TPM1: variants seen among roughly 807,000 people sequenced by gnomAD.
TPM1 encodes tropomyosin 1, also known as tropomyosin alpha-1 chain.
Under a neutral mutation model 42.9 loss-of-function variants are expected in TPM1, and 24 were observed. The ratio of observed to expected loss-of-function variants is 0.56; its 90% CI spans 0.41 to 0.79. TPM1 has a LOEUF of 0.79. Ranked by LOEUF, TPM1 falls within the 30% of genes least tolerant of loss-of-function variation. TPM1 has a pLI of 0.00. For missense variants in TPM1, 158 were observed against 351.8 expected (o/e 0.45, Z 4.41); for synonymous variants, 136 against 130.1 (o/e 1.05, Z -0.31).
chr15:63,067,681 G>C (rs1234864370), downstream of TPM1, among the ~76,000 whole-genome samples: 1 of 152,158 alleles, frequency 6.6e-6, no homozygotes, highest in Non-Finnish European at 1.5e-5. Flanking sequence ...AGGAAAACTT[G>C]ATAAACTCAA....
At chr15:63,064,463 A>G in intron 9 of TPM1, 2 of 1,157,368 alleles carry the variant, frequency 1.7e-6, no homozygotes, top group Non-Finnish European at 2.1e-6. Flanking sequence ...CTAGAAGGCC[A>G]TGCCGTTTGT....
chr15:63,070,060 C>G (rs764526574), downstream of TPM1: 164 of 1,559,700 alleles, frequency 1.1e-4, no homozygotes, highest in Admixed American at 2.2e-3. Context: ...TGCAGAAATG[C>G]AAATGCAAGG....
At chr15:63,070,304 A>G (rs200580287), downstream of TPM1, 22 of 794,056 alleles carry the variant, frequency 2.8e-5, 1 homozygote, top group South Asian at 7.2e-4. Flanking sequence ...ATATATATAT[A>G]TATGTGTGTG....
chr15:63,048,960 T>G (rs1178403996), intron 2 of TPM1: 1 of 541,574 alleles, frequency 1.8e-6, no homozygotes, highest in Admixed American at 3.3e-5. Context: ...TTGAGAAGGT[T>G]CTGGAAGGAG....
downstream of TPM1, among the ~76,000 whole-genome samples, chr15:63,068,818 C>T (rs926195982): frequency 2.6e-5 from 4 of 152,188 alleles, no homozygotes; most frequent in Admixed American, 2.0e-4. Flanking sequence ...TATACACATC[C>T]ATTAGCACCA....
At chr15:63,066,295 C>G (rs1001854153), downstream of TPM1, 4 of 754,766 alleles carry the variant, frequency 5.3e-6, no homozygotes, top group African/African-American at 7.6e-5. Context: ...ATACCCAGGC[C>G]TGCATTCCCT....
chr15:63,070,499 G>A, downstream of TPM1: 1 of 993,050 alleles, frequency 1.0e-6, no homozygotes, highest in Non-Finnish European at 1.2e-6. Flanking sequence ...TGGTGCTGTT[G>A]GAGTCTGGGG....
At chr15:63,043,898 C>T (rs2031802344) in intron 1 of TPM1, 129 bp from the exon 2 acceptor site, 1 of 1,551,968 alleles carries the variant, frequency 6.4e-7, no homozygotes, top group Non-Finnish European at 8.7e-7. Context: ...CTCTCTCCCT[C>T]CCTGTCTTTC....
chr15:63,054,963 G>C (rs1236125158), intron 2 of TPM1, among the ~76,000 whole-genome samples: 2 of 151,470 alleles, frequency 1.3e-5, no homozygotes, highest in South Asian at 4.2e-4. Context: ...ATATAGAAAA[G>C]TGAAGAAATC....
chr15:63,043,898 C>G, intron 1 of TPM1, 129 bp from the exon 2 acceptor site: 4 of 1,551,968 alleles, frequency 2.6e-6, no homozygotes, highest in Admixed American at 2.0e-5. Context: ...CTCTCTCCCT[C>G]CCTGTCTTTC....
At chr15:63,047,206 C>T (rs2032564399) in intron 2 of TPM1, 1 of 152,290 alleles carries the variant, frequency 6.6e-6, no homozygotes, top group Non-Finnish European at 1.5e-5. Flanking sequence ...AGGACCCAAG[C>T]TGGGATTTGT....
chr15:63,061,357 A>G, intron 5 of TPM1: 1 of 1,265,516 alleles, frequency 7.9e-7, no homozygotes, highest in East Asian at 2.3e-5. Context: ...CGTTTGGTAT[A>G]ACGACTGCAC....
In TPM1 at chr15:63,048,584, G is replaced by T. The variant is rs1168946600; in HGVS notation, c.240+4432G>T. On this transcript the variant is annotated intron_variant, in intron 2 of 9. Coordinates refer to ENST00000403994, the MANE Select transcript of TPM1 (RefSeq NM_001018005.2). ...GCCTACCGTCCGGCGCGATGGCGGGGAGTAGCTCGCTGGAGGCGGTGCGCA... is the reference window on the plus strand; with the variant it reads ...GCCTACCGTCCGGCGCGATGGCGGGTAGTAGCTCGCTGGAGGCGGTGCGCA... 1 of 1,529,696 alleles carries T rather than the reference G, an allele frequency of 6.5e-7. No homozygotes were observed. The highest frequency in any genetic ancestry group is 8.8e-7 in the Non-Finnish European group (1 of 1,141,366). 94.8% of individuals were successfully genotyped at this position (1,529,696 alleles called of 1,614,324 possible). A position where few individuals can be genotyped will look rare whatever the true frequency, so the allele number is the denominator to read the frequency against.
At chr15:63,062,826 C>T in intron 8 of TPM1, 181 bp downstream of exon 8, 1 of 1,534,336 alleles carries the variant, frequency 6.5e-7, no homozygotes, top group Non-Finnish European at 8.7e-7. Flanking sequence ...GTCTTCTGCT[C>T]ACGAGGTGAC....
intron 4 of TPM1, 91 bp downstream of exon 4, chr15:63,059,771 G>A: frequency 1.1e-6 from 1 of 905,294 alleles, no homozygotes; most frequent in Non-Finnish European, 1.8e-6. Context: ...CCCGAGTGAG[G>A]CCATCTGCTT....
At chr15:63,063,510 A>C (rs16946410) in intron 8 of TPM1, 1 of 299,502 alleles carries the variant, frequency 3.3e-6, no homozygotes, top group Non-Finnish European at 4.9e-6. Context: ...CCACAGGAGT[A>C]GCTTAAATGG....
intron 2 of TPM1, chr15:63,045,452 C>G (rs1046618049): frequency 6.6e-6 from 1 of 152,210 alleles, no homozygotes. Context: ...TCTGAGCCTA[C>G]TTTGTATAAT....
downstream of TPM1, among the ~76,000 whole-genome samples, chr15:63,068,008 T>C (rs1213241881): frequency 6.6e-6 from 1 of 152,226 alleles, no homozygotes. Context: ...ACTGACCCTC[T>C]GGATTCTCCA....
At position 63,048,824 on chromosome 15, in the gene TPM1, GGGCGCACCT is replaced by G. The variant is rs377427257; in HGVS notation, c.240+4684_240+4692del. On this transcript the variant is annotated intron_variant, in intron 2 of 9. Transcript: ENST00000403994. ...CCGGTCCCTCGTCCCCACGCCTCCA[GGGCGCACCT>G]GGCGCACCTGGGCCAGCTGGCGGCG... The G allele has an allele frequency of 3.9e-3, 5,398 of 1,395,480 alleles. 15 individuals carry two copies. Among genetic ancestry groups the G allele is most frequent in the East Asian group, 6.2e-3 (244 of 39,054 alleles). 86.4% of individuals were successfully genotyped at this position (1,395,480 alleles called of 1,614,324 possible). A position where few individuals can be genotyped will look rare whatever the true frequency, so the allele number is the denominator to read the frequency against.
Sources: gnomAD v4.1 joint callset for allele counts (sites outside exome capture counted in the v4.1 genomes callset) on GRCh38, gnomAD v4.1.1 for gene constraint, MANE v1.5 for transcripts, NCBI Gene and HGNC (gene_info 2026-07-23, HGNC 2026-07-21) for gene names.